The following TUBGCP4 variants were observed in gnomAD, a reference collection of about 807,000 sequenced individuals.
TUBGCP4 encodes the protein gamma-tubulin complex component 4.
Under a neutral mutation model 91.6 loss-of-function variants are expected in TUBGCP4, and 54 were observed. That is an observed-to-expected ratio of 0.59 (90% CI 0.47 to 0.74). The LOEUF is 0.74. Ranked by LOEUF, TUBGCP4 falls within the 30% of genes least tolerant of loss-of-function variation. The pLI is 0.00. For synonymous variants in TUBGCP4, 297 were observed against 302.8 expected (o/e 0.98, Z 0.20); for missense variants, 593 against 800.9 (o/e 0.74, Z 3.13).
chr15:43,401,592 T>C lies in TUBGCP4; in HGVS notation c.1597-124T>C, dbSNP rs2044681944. 2.9e-6 allele frequency: 3 copies of C among 1,025,294 alleles called. No individual in the cohort carries two copies. The Admixed American group carries it at 6.4e-5, about 22-fold the overall frequency. 63.5% of individuals were successfully genotyped at this position (1,025,294 alleles called of 1,614,324 possible). A position where few individuals can be genotyped will look rare whatever the true frequency, so the allele number is the denominator to read the frequency against. ...TAAGGGTGTCTTTGGTCAGCCTTAA[T>C]GTGACTTGGTTAGAAGGAAGATGAG... On this transcript the variant is annotated intron_variant, in intron 14 of 17. Transcript: ENST00000564079.
chr15:43,377,722 G>C, intron 4 of TUBGCP4, 125 bp from the exon 5 acceptor site: 1 of 743,036 alleles, frequency 1.3e-6, no homozygotes, highest in South Asian at 1.7e-5. Flanking sequence ...GCTGGATCTT[G>C]ACTGTTCTGT....
At chr15:43,387,782 C>G (rs2142825603) in intron 9 of TUBGCP4, among the ~76,000 whole-genome samples, 1 of 152,070 alleles carries the variant, frequency 6.6e-6, no homozygotes, top group African/African-American at 2.4e-5. Flanking sequence ...AATTTTAAAA[C>G]CTGCACTTGC....
chr15:43,406,450 T>G lies in TUBGCP4; in HGVS notation c.*1236T>G. Reference sequence around the variant, plus strand: ...AGCTGGCAAACTATGGCCTGCTGTCTGTTTTTGTACAGTTTTACTGAAACA... The same window carrying G: ...AGCTGGCAAACTATGGCCTGCTGTCGGTTTTTGTACAGTTTTACTGAAACA... On this transcript the variant is annotated 3_prime_UTR_variant, in exon 18 of 18. Coordinates refer to ENST00000564079, the MANE Select transcript of TUBGCP4 (RefSeq NM_014444.5). The G allele has an allele frequency of 2.8e-6, 1 of 353,790 alleles. No homozygotes were observed. The highest frequency in any genetic ancestry group is 5.6e-6 in the Non-Finnish European group (1 of 178,370). 21.9% of individuals were successfully genotyped at this position (353,790 alleles called of 1,614,324 possible).
At position 43,385,977 on chromosome 15, in the gene TUBGCP4, T is replaced by C. The variant is rs766924094; in HGVS notation, c.889+21T>C. On this transcript the variant is annotated intron_variant, in intron 8 of 17. Coordinates refer to ENST00000564079, the MANE Select transcript of TUBGCP4 (RefSeq NM_014444.5). ...AAAAGGTAGAAATCTCCTTGTCCAA[T>C]GTACCACACCCTCAAAATCTCTTCT... is the stretch of plus-strand genomic sequence containing the variant. 1.1e-5 allele frequency: 18 copies of C among 1,612,440 alleles called. No homozygotes were observed. In the Admixed American group the frequency reaches 2.0e-4, roughly 18 times the overall value.
chr15:43,383,138 T>C (rs1229365229), intron 6 of TUBGCP4, among the ~76,000 whole-genome samples, 165 bp from the exon 7 acceptor site: 3 of 152,236 alleles, frequency 2.0e-5, no homozygotes, highest in African/African-American at 4.8e-5. Context: ...GCTGCAAATA[T>C]GGAAATTCAG....
At position 43,371,302 on chromosome 15, in the gene TUBGCP4, G is replaced by A. The variant is rs2044114891; in HGVS notation, c.-53G>A. 6.3e-7 allele frequency: 1 copy of A among 1,575,148 alleles called. No homozygotes were observed. The highest frequency in any genetic ancestry group is 1.3e-5 in the African/African-American group (1 of 74,594). On this transcript the variant is annotated 5_prime_UTR_variant, in exon 1 of 18. Transcript: ENST00000564079. Reference sequence around the variant, plus strand: ...AGCACTCCCCTCGTGGTCGCCTGGAGGTGCGCTGGAGGAGGGGGTGACATA... The same window carrying A: ...AGCACTCCCCTCGTGGTCGCCTGGAAGTGCGCTGGAGGAGGGGGTGACATA...
At chr15:43,393,176 T>C (rs2044507878) in intron 9 of TUBGCP4, among the ~76,000 whole-genome samples, 1 of 152,118 alleles carries the variant, frequency 6.6e-6, no homozygotes, top group African/African-American at 2.4e-5. Context: ...GTTTATCCAT[T>C]CATCCTTGAT....
chr15:43,385,035 C>T (rs1321956433), intron 7 of TUBGCP4, among the ~76,000 whole-genome samples: 2 of 152,140 alleles, frequency 1.3e-5, no homozygotes, highest in Non-Finnish European at 2.9e-5. Flanking sequence ...TTTCTGCCTT[C>T]AGCAGCTGGG....
intron 17 of TUBGCP4, chr15:43,404,947 A>T: frequency 1.9e-6 from 1 of 535,584 alleles, no homozygotes; most frequent in Non-Finnish European, 3.3e-6. Flanking sequence ...TTTAAAAAAA[A>T]CTGATACCGA....
chr15:43,404,043 G>C, intron 16 of TUBGCP4: 1 of 545,644 alleles, frequency 1.8e-6, no homozygotes. Context: ...AATAAGCATT[G>C]GGTTGTTCTA....
At chr15:43,387,740 A>T (rs538244850) in intron 9 of TUBGCP4, among the ~76,000 whole-genome samples, 11 of 151,362 alleles carry the variant, frequency 7.3e-5, no homozygotes, top group African/African-American at 2.2e-4. Flanking sequence ...GGGATTATAG[A>T]TGTGAGCCAC....
At position 43,405,813 on chromosome 15, in the gene TUBGCP4, G is replaced by A. The variant is rs1384150430; in HGVS notation, c.*599G>A. The A allele has an allele frequency of 6.6e-6, 1 of 152,246 alleles. No homozygotes were observed. The highest frequency in any genetic ancestry group is 2.4e-5 in the African/African-American group (1 of 41,398). 9.4% of individuals were successfully genotyped at this position (152,246 alleles called of 1,614,324 possible). A position where few individuals can be genotyped will look rare whatever the true frequency, so the allele number is the denominator to read the frequency against. The stretch of plus-strand genomic sequence containing the variant: ...CCAGCACTTTGGGAGGCCGAGGCGG[G>A]CGGATCACCTGAAGTCAGGAGTTTG... On this transcript the variant is annotated 3_prime_UTR_variant, in exon 18 of 18. Transcript: ENST00000564079.
intron 11 of TUBGCP4, 121 bp downstream of exon 11, chr15:43,395,809 G>A (rs897543031): frequency 9.2e-6 from 7 of 764,976 alleles, no homozygotes; most frequent in Non-Finnish European, 1.6e-5. Flanking sequence ...ACAGAGCAGT[G>A]GCTTCCAGAG....
At position 43,383,312 on chromosome 15, in the gene TUBGCP4, C is replaced by T. The variant is rs774790822; in HGVS notation, c.531C>T (p.Ala177=). 1.3e-5 allele frequency: 21 copies of T among 1,612,574 alleles called. No homozygotes were observed. Among genetic ancestry groups the T allele is most frequent in the South Asian group, 4.4e-5 (4 of 90,834 alleles). The part of the protein sequence containing the change: ...PVRSALEKIL[A]VCHGVMYKQL... ...TTTCTACTCTGCCCAGAATCCTGGC[C>T]GTTTGTCATGGGGTCATGTATAAAC... is the stretch of plus-strand genomic sequence containing the variant. The change falls in exon 7 of 18, where the codon GCC becomes GCT. Residue 177 remains alanine (A), a synonymous_variant. Transcript: ENST00000564079.
chr15:43,382,064 A>G (rs1343191962), intron 6 of TUBGCP4, among the ~76,000 whole-genome samples: 3 of 151,972 alleles, frequency 2.0e-5, no homozygotes, highest in Admixed American at 6.6e-5. Flanking sequence ...CAAATACAAA[A>G]AAAGTAGGCA....
chr15:43,401,890 A>G (rs1156342952), intron 15 of TUBGCP4, 40 bp downstream of exon 15: 1 of 1,610,136 alleles, frequency 6.2e-7, no homozygotes, highest in Non-Finnish European at 8.5e-7. Context: ...TGCTTCTACC[A>G]CTGACCATTC....
intron 5 of TUBGCP4, among the ~76,000 whole-genome samples, chr15:43,379,528 C>T (rs140821634): frequency 3.6e-4 from 54 of 151,666 alleles, no homozygotes; most frequent in Non-Finnish European, 6.9e-4. Context: ...CTGTGTCGCA[C>T]TACTCGGGAG....
At chr15:43,383,636 C>T (rs758942028) in intron 7 of TUBGCP4, 132 bp downstream of exon 7, 239 of 681,148 alleles carry the variant, frequency 3.5e-4, no homozygotes, top group Non-Finnish European at 4.7e-4. Flanking sequence ...TGTAAACATT[C>T]GGCTTTATCT....
At position 43,371,133 on chromosome 15, in the gene TUBGCP4, T is replaced by C; in HGVS notation, c.-222T>C. 1.7e-6 allele frequency: 1 copy of C among 601,500 alleles called. No homozygotes were observed. Among genetic ancestry groups the C allele is most frequent in the Middle Eastern group, 4.5e-4 (1 of 2,232 alleles). The allele number at this position is 601,500 out of a possible 1,614,324, so 37.3% of individuals were successfully genotyped here. The stretch of plus-strand genomic sequence containing the variant: ...GCAGAGCCCGGGCGGGAGTAGCTGG[T>C]GGACCCCGTTGAGCTGCCGAACTTC... On this transcript the variant is annotated 5_prime_UTR_variant, in exon 1 of 18. Coordinates refer to ENST00000564079, the MANE Select transcript of TUBGCP4 (RefSeq NM_014444.5).
Sources: allele counts gnomAD v4.1 joint callset (sites outside exome capture counted in the v4.1 genomes callset), GRCh38; gene constraint gnomAD v4.1.1; transcripts MANE v1.5; gene names NCBI Gene and HGNC (gene_info 2026-07-23, HGNC 2026-07-21).